SEC24D: variants seen among roughly 807,000 people sequenced by gnomAD.
The protein encoded by SEC24D is protein transport protein Sec24D.
SEC24D carries 69 observed loss-of-function variants against 116.9 expected under a neutral mutation model. The observed-to-expected ratio is 0.59, with a 90% CI of 0.49 to 0.72. The LOEUF is 0.72. Among genes scored for constraint, SEC24D ranks in the 30% least tolerant of loss-of-function variants. The probability of loss-of-function intolerance (pLI) is 0.00; values close to 1 mark genes in which losing one functional copy is unlikely to be tolerated. For missense variants in SEC24D, 1,131 were observed against 1,264.1 expected (o/e 0.89, Z 1.60); for synonymous variants, 405 against 442.8 (o/e 0.91, Z 1.07).
intron 7 of SEC24D, among the ~76,000 whole-genome samples, chr4:118,803,879 C>A (rs924874155): frequency 3.3e-5 from 5 of 152,134 alleles, no homozygotes; most frequent in African/African-American, 9.7e-5. Flanking sequence ...TGTCTTGATA[C>A]ATACTAAGTA....
intron 11 of SEC24D, among the ~76,000 whole-genome samples, chr4:118,757,035 C>T (rs1458340429): frequency 1.3e-5 from 2 of 151,986 alleles, no homozygotes; most frequent in East Asian, 1.9e-4. Flanking sequence ...CTTTATATTT[C>T]TTATGGTAAG....
At chr4:118,823,957 A>G (rs1416293197) in intron 3 of SEC24D, among the ~76,000 whole-genome samples, 1 of 152,284 alleles carries the variant, frequency 6.6e-6, no homozygotes, top group East Asian at 1.9e-4. Context: ...AGTTCTGTGA[A>G]GGATCCAAGA....
chr4:118,809,834 C>G (rs1729827678), intron 6 of SEC24D, among the ~76,000 whole-genome samples: 1 of 152,094 alleles, frequency 6.6e-6, no homozygotes, highest in South Asian at 2.1e-4. Flanking sequence ...TAATTCAGTG[C>G]TGTGGATATG....
intron 19 of SEC24D, among the ~76,000 whole-genome samples, chr4:118,733,537 C>A (rs543875401): frequency 6.6e-6 from 1 of 152,134 alleles, no homozygotes; most frequent in South Asian, 2.1e-4. Flanking sequence ...AGGTTCTGTG[C>A]AAAGTGTCAA....
intron 9 of SEC24D, among the ~76,000 whole-genome samples, chr4:118,767,806 C>T (rs1727708753): frequency 6.6e-6 from 1 of 152,030 alleles, no homozygotes. Flanking sequence ...CAAGAATAAC[C>T]TTGAGAAGTG....
chr4:118,758,530 T>TA (rs1379885611), intron 10 of SEC24D: 1 of 152,168 alleles, frequency 6.6e-6, no homozygotes, highest in Non-Finnish European at 1.5e-5. Flanking sequence ...TTGGTCCCTT[T>TA]ACTGGCTGGT....
At chr4:118,743,911 C>T in intron 15 of SEC24D, 77 bp downstream of exon 15, 1 of 1,337,024 alleles carries the variant, frequency 7.5e-7, no homozygotes. Flanking sequence ...GGGAACACAG[C>T]TTTTTAAACC....
intron 11 of SEC24D, among the ~76,000 whole-genome samples, chr4:118,753,566 A>AT (rs368834409): frequency 5.3e-4 from 79 of 148,380 alleles, no homozygotes; most frequent in African/African-American, 1.1e-3. Context: ...CAAAAAGTAG[A>AT]TTTTTTTTTT....
chr4:118,773,868 G>A (rs2110478805), intron 8 of SEC24D, among the ~76,000 whole-genome samples: 1 of 152,174 alleles, frequency 6.6e-6, no homozygotes, highest in South Asian at 2.1e-4. Context: ...CAGTTCAATA[G>A]GCTATTTACC....
intron 7 of SEC24D, among the ~76,000 whole-genome samples, chr4:118,801,929 C>T (rs1015035272): frequency 6.6e-6 from 1 of 152,172 alleles, no homozygotes; most frequent in Admixed American, 6.5e-5. Flanking sequence ...TAATAAAGAG[C>T]ATTATGTGAT....
At chr4:118,810,137 T>TGTGTGTGTGTGTGTGTGTG (rs56961502) in intron 6 of SEC24D, among the ~76,000 whole-genome samples, 4 of 104,276 alleles carry the variant, frequency 3.8e-5, no homozygotes, top group African/African-American at 6.4e-5. Context: ...TGTGTGTGTG[T>TGTGTGTGTGTGTGTGTGTG]CAGAGGGTAT....
intron 8 of SEC24D, among the ~76,000 whole-genome samples, chr4:118,769,446 A>T (rs765571960): frequency 6.6e-6 from 1 of 152,186 alleles, no homozygotes; most frequent in Non-Finnish European, 1.5e-5. Context: ...AGGCTTTGGC[A>T]TGTCAATTAA....
At chr4:118,768,395 T>TA in intron 8 of SEC24D, 84 bp from the exon 9 acceptor site, 2 of 324,898 alleles carry the variant, frequency 6.2e-6, no homozygotes, top group Non-Finnish European at 8.1e-6. Context: ...TTAATGGCAC[T>TA]TTTTTTTTTT....
chr4:118,780,907 C>T lies in SEC24D; in HGVS notation c.1042-12596G>A, dbSNP rs76466642. Among the ~76,000 whole-genome samples the T allele has an allele frequency of 6.4e-3, 396 of 61,770 alleles. 1 individual carries two copies. The highest frequency in any genetic ancestry group is 0.021 in the Middle Eastern group (2 of 96). 40.5% of individuals were successfully genotyped at this position (61,770 alleles called of 152,430 possible). A position where few individuals can be genotyped will look rare whatever the true frequency, so the allele number is the denominator to read the frequency against. On this transcript the variant is annotated intron_variant, in intron 8 of 22. Transcript: ENST00000280551. ...TCAGAGACTAGGATTGCAACCCCTG[C>T]TTTTTTTTTTTTTTTTTTTTTTTTT...
rs1729239259 is a variant in SEC24D, at chr4:118,797,679, T to G, written c.1041+4A>C. The G allele has an allele frequency of 6.3e-7, 1 of 1,592,388 alleles. No individual in the cohort carries two copies. Among genetic ancestry groups the G allele is most frequent in the Admixed American group, 1.7e-5 (1 of 57,396 alleles). On this transcript the variant is annotated splice_donor_region_variant and intron_variant, in intron 8 of 22. Coordinates refer to ENST00000280551, the MANE Select transcript of SEC24D (RefSeq NM_014822.4). ...ATTGAATTGCTATTATATATCATTC[T>G]TACCTCATTTGAAGGAATGGTGGCA...
intron 21 of SEC24D, 118 bp downstream of exon 21, chr4:118,731,198 A>G (rs1725666290): frequency 1.3e-6 from 1 of 796,250 alleles, no homozygotes; most frequent in East Asian, 2.7e-5. Flanking sequence ...TTTCTTTCAT[A>G]TACAGAAATA....
At chr4:118,744,694 G>T (rs557671472) in intron 14 of SEC24D, among the ~76,000 whole-genome samples, 4 of 152,234 alleles carry the variant, frequency 2.6e-5, no homozygotes, top group African/African-American at 9.6e-5. Context: ...CAAAGTGCTG[G>T]GATTACAGGC....
intron 2 of SEC24D, among the ~76,000 whole-genome samples, chr4:118,828,913 G>C (rs1407366174): frequency 6.6e-6 from 1 of 152,136 alleles, no homozygotes; most frequent in Non-Finnish European, 1.5e-5. Context: ...CAAATGTCTT[G>C]CAGGTCCTGA....
intron 15 of SEC24D, among the ~76,000 whole-genome samples, chr4:118,743,599 C>T (rs1057353497): frequency 3.9e-5 from 6 of 152,152 alleles, no homozygotes; most frequent in African/African-American, 1.2e-4. Context: ...CCCGCCCTCA[C>T]GTGATCTTCC....
Sources: gnomAD v4.1 joint callset for allele counts (sites outside exome capture counted in the v4.1 genomes callset) on GRCh38, gnomAD v4.1.1 for gene constraint, MANE v1.5 for transcripts, NCBI Gene and HGNC (gene_info 2026-07-23, HGNC 2026-07-21) for gene names.